Variants in ALDH1L1 observed in about 807,000 individuals in gnomAD.
ALDH1L1 encodes the protein cytosolic 10-formyltetrahydrofolate dehydrogenase.
In ALDH1L1, 68 loss-of-function variants were observed where a neutral mutation model predicts 101.1. The observed-to-expected ratio is 0.67, with a 90% confidence interval of 0.55 to 0.82. The LOEUF (loss-of-function observed/expected upper bound fraction) is 0.82. Ranked by LOEUF, ALDH1L1 falls within the 40% of genes least tolerant of loss-of-function variation. The pLI, the probability that ALDH1L1 is intolerant of heterozygous loss-of-function variation, is 0.00. For missense variants in ALDH1L1, 1,087 were observed against 1,172.7 expected (o/e 0.93, Z 1.07); for synonymous variants, 486 against 470.8 (o/e 1.03, Z -0.42).
chr3:126,128,793 GAC>G (rs2080238290), intron 14 of ALDH1L1: 1 of 152,322 alleles, frequency 6.6e-6, no homozygotes, highest in African/African-American at 2.4e-5. Context: ...GCTTCTGGGT[GAC>G]ACAGTGTCTG....
upstream of ALDH1L1, among the ~76,000 whole-genome samples, chr3:126,182,542 A>G (rs1158508831): frequency 6.6e-6 from 1 of 152,228 alleles, no homozygotes; most frequent in East Asian, 1.9e-4. Context: ...TCTCCTGGGA[A>G]GTCCCCAGGG....
intron 1 of ALDH1L1, among the ~76,000 whole-genome samples, chr3:126,163,865 C>T (rs892786666): frequency 4.6e-5 from 7 of 152,242 alleles, no homozygotes; most frequent in South Asian, 2.1e-4. Flanking sequence ...CAGTCCCAGT[C>T]GCTCATGACT....
At position 126,120,226 on chromosome 3, in the gene ALDH1L1, A is replaced by T. The variant is rs567253621; in HGVS notation, c.1889-2128T>A. Among the ~76,000 whole-genome samples, 6 of 152,394 alleles carry T rather than the reference A, an allele frequency of 3.9e-5. No homozygotes were observed. The East Asian group carries it at 1.2e-3, about 29-fold the overall frequency. On this transcript the variant is annotated intron_variant, in intron 16 of 22. Transcript: ENST00000393434. ...GAATTGCCAAAACTTGGAAGTTACC[A>T]AGACGTCCTTCAGAAAGTGGATGGA...
Position 126,135,540 on chromosome 3 carries a change from C to T in ALDH1L1, c.1467G>A (p.Met489Ile), listed in dbSNP as rs1456194697. ...KISARDRGRL[M>I]YRLADLMEQH... ...GGTACATGTTGGGCTCCCACCTGTA[C>T]ATCAGCCGGCCCCGGTCCCGCGCAC... The change falls in exon 12 of 23, where the codon ATG becomes ATA. Residue 489 changes from methionine (M) to isoleucine (I), a missense_variant. Transcript: ENST00000393434. 3.1e-6 allele frequency: 5 copies of T among 1,607,434 alleles called. No individual in the cohort carries two copies. Among genetic ancestry groups the T allele is most frequent in the African/African-American group, 1.3e-5 (1 of 74,748 alleles).
At position 126,124,442 on chromosome 3, in the gene ALDH1L1, G is replaced by A. The variant is rs2080140132; in HGVS notation, c.1810C>T (p.Leu604Phe). 6.2e-7 allele frequency: 1 copy of A among 1,610,804 alleles called. No homozygotes were observed. Among genetic ancestry groups the A allele is most frequent in the South Asian group, 1.1e-5 (1 of 90,378 alleles). Reference protein sequence around the residue: ...VVIKPAQVTPLTALKFAELTL... With the variant: ...VVIKPAQVTPFTALKFAELTL... ...AGCTCTGCAAACTTCAAGGCTGTGA[G>A]TGGGGTCACCTGGGTGTGGGGCCAG... Residue 604 changes from leucine to phenylalanine, a missense_variant, in exon 16 of 23, where the codon CTC becomes TTC. Transcript: ENST00000393434.
intron 19 of ALDH1L1, among the ~76,000 whole-genome samples, 163 bp downstream of exon 19, chr3:126,112,619 A>G (rs1357426425): frequency 6.6e-6 from 1 of 152,168 alleles, no homozygotes; most frequent in African/African-American, 2.4e-5. Flanking sequence ...GTGAAGACTC[A>G]GCACAGCTCC....
intron 22 of ALDH1L1, 176 bp downstream of exon 22, chr3:126,105,550 A>G (rs773360180): frequency 8.2e-6 from 6 of 734,116 alleles, no homozygotes; most frequent in South Asian, 4.7e-5. Flanking sequence ...CCCCTCTGCA[A>G]GCATCTTGCT....
At chr3:126,143,120 T>G (rs1204143565) in intron 9 of ALDH1L1, among the ~76,000 whole-genome samples, 1 of 152,228 alleles carries the variant, frequency 6.6e-6, no homozygotes, top group Non-Finnish European at 1.5e-5. Context: ...ACTAAAGTTT[T>G]GAGTATCTCA....
At chr3:126,137,509 A>G (rs1240329780) in intron 10 of ALDH1L1, among the ~76,000 whole-genome samples, 2 of 152,244 alleles carry the variant, frequency 1.3e-5, no homozygotes, top group Non-Finnish European at 2.9e-5. Flanking sequence ...TTGAATGTAT[A>G]GGATTATTTG....
At chr3:126,153,376 G>C in intron 7 of ALDH1L1, 68 bp downstream of exon 7, 1 of 1,603,030 alleles carries the variant, frequency 6.2e-7, no homozygotes. Flanking sequence ...CTTCCTGTGA[G>C]GCCTGAGTCC....
Position 126,130,618 on chromosome 3 carries a change from A to G in ALDH1L1, c.1624-325T>C, listed in dbSNP as rs551469179. ...GCTCTAAGCAGTTGAGCACATGTAG[A>G]AGGCCCAGGCCTTGGGGGGTCCAGC... On this transcript the variant is annotated intron_variant, in intron 13 of 22. Transcript: ENST00000393434. Among the ~76,000 whole-genome samples the G allele has an allele frequency of 3.3e-5, 5 of 152,322 alleles. No individual in the cohort carries two copies. In the South Asian group the frequency reaches 1.0e-3, roughly 32 times the overall value.
intron 8 of ALDH1L1, among the ~76,000 whole-genome samples, chr3:126,149,996 C>A (rs1321988082): frequency 6.6e-6 from 1 of 152,196 alleles, no homozygotes; most frequent in African/African-American, 2.4e-5. Context: ...GGATTGGAGA[C>A]CAGGTGTGCC....
intron 17 of ALDH1L1, 134 bp from the exon 18 acceptor site, chr3:126,114,790 C>T (rs1454690634): frequency 1.3e-6 from 1 of 776,080 alleles, no homozygotes; most frequent in Admixed American, 1.9e-5. Flanking sequence ...AGTGCCTCCC[C>T]ACTCCCCCCC....
In ALDH1L1 at chr3:126,131,420, G is replaced by C. The variant is rs781252705; in HGVS notation, c.1587C>G (p.Thr529=). The C allele has an allele frequency of 2.0e-5, 32 of 1,611,596 alleles. 1 individual carries two copies. In the South Asian group the frequency reaches 3.4e-4, roughly 17 times the overall value. ...CACACCAGCCAGCAAAGTAGCGGAA[G>C]GTCTGGATGGACATGCCCACGTGGG... ...LKTHVGMSIQ[T]FRYFAGWCDK... is the part of the protein sequence containing the mutation. Residue 529 remains threonine, a synonymous_variant, in exon 13 of 23, where the codon ACC becomes ACG. Coordinates refer to ENST00000393434, the MANE Select transcript of ALDH1L1 (RefSeq NM_012190.4).
intron 12 of ALDH1L1, 96 bp downstream of exon 12, chr3:126,135,439 C>A: frequency 6.5e-7 from 1 of 1,536,372 alleles, no homozygotes; most frequent in East Asian, 2.5e-5. Flanking sequence ...CCCAGCTCCT[C>A]CTGGCAGGTA....
chr3:126,130,200 C>T, intron 14 of ALDH1L1, 23 bp downstream of exon 14: 1 of 1,593,496 alleles, frequency 6.3e-7, no homozygotes, highest in Non-Finnish European at 8.5e-7. Flanking sequence ...CGAGGCTGCA[C>T]CTCGCCCTGG....
intron 1 of ALDH1L1, among the ~76,000 whole-genome samples, chr3:126,168,547 GA>G (rs2081213225): frequency 2.0e-5 from 3 of 152,014 alleles, no homozygotes; most frequent in African/African-American, 7.2e-5. Flanking sequence ...AAAACAAACA[GA>G]AAAAAACTTA....
At chr3:126,123,684 A>G (rs984028425) in intron 16 of ALDH1L1, among the ~76,000 whole-genome samples, 1 of 151,534 alleles carries the variant, frequency 6.6e-6, no homozygotes, top group African/African-American at 2.4e-5. Context: ...ACAAGGGAAT[A>G]ATAAAAGCAA....
chr3:126,160,096 C>T (rs1322132673), intron 2 of ALDH1L1, among the ~76,000 whole-genome samples: 1 of 152,176 alleles, frequency 6.6e-6, no homozygotes, highest in East Asian at 1.9e-4. Flanking sequence ...AGCTCAAAGG[C>T]AGTGACCCAG....
Sources: allele counts gnomAD v4.1 joint callset (sites outside exome capture counted in the v4.1 genomes callset), GRCh38; gene constraint gnomAD v4.1.1; transcripts MANE v1.5; gene names NCBI Gene and HGNC (gene_info 2026-07-23, HGNC 2026-07-21).